The following BMPR1B variants were observed in gnomAD, a reference collection of about 807,000 sequenced individuals.
BMPR1B encodes the protein bone morphogenetic protein receptor type 1B.
BMPR1B carries 12 observed loss-of-function variants against 59.1 expected under a neutral mutation model. The ratio of observed to expected loss-of-function variants is 0.20; its 90% CI spans 0.13 to 0.33. The LOEUF is 0.33. Among genes scored for constraint, BMPR1B ranks in the 10% least tolerant of loss-of-function variants. The pLI is 1.00. For missense variants in BMPR1B, 550 were observed against 610.9 expected (o/e 0.90, Z 1.05); for synonymous variants, 237 against 207.3 (o/e 1.14, Z -1.23).
intron 2 of BMPR1B, among the ~76,000 whole-genome samples, chr4:94,924,188 A>G (rs1351418490): frequency 6.6e-6 from 1 of 152,140 alleles, no homozygotes; most frequent in Non-Finnish European, 1.5e-5. Flanking sequence ...ATAAAGTTGG[A>G]GCTTCAGAAT....
At chr4:95,122,325 G>T (rs1732590015) in intron 6 of BMPR1B, among the ~76,000 whole-genome samples, 1 of 147,072 alleles carries the variant, frequency 6.8e-6, no homozygotes, top group African/African-American at 2.6e-5. Context: ...CACAGAGGAA[G>T]ATCCTGTATC....
At chr4:94,801,108 T>C (rs1723390663) in intron 1 of BMPR1B, among the ~76,000 whole-genome samples, 1 of 152,206 alleles carries the variant, frequency 6.6e-6, no homozygotes, top group Non-Finnish European at 1.5e-5. Context: ...GAAAATTGTC[T>C]GCCTTCATAT....
chr4:95,026,098 A>ATTCATTTCTTTCTTTC, intron 3 of BMPR1B, among the ~76,000 whole-genome samples: 1 of 101,716 alleles, frequency 9.8e-6, no homozygotes, highest in South Asian at 3.8e-4. Context: ...GCTTTCTTTC[A>ATTCATTTCTTTCTTTC]TTTCTTTCTT....
chr4:94,850,276 G>GAA (rs35845073), intron 1 of BMPR1B, among the ~76,000 whole-genome samples: 4 of 149,252 alleles, frequency 2.7e-5, no homozygotes, highest in African/African-American at 9.8e-5. Flanking sequence ...ATTTTTAAAT[G>GAA]AAAAAAAAAA....
At chr4:94,775,894 G>T (rs1014162035) in intron 1 of BMPR1B, among the ~76,000 whole-genome samples, 3 of 152,060 alleles carry the variant, frequency 2.0e-5, no homozygotes, top group Non-Finnish European at 4.4e-5. Flanking sequence ...GATCGAGAGC[G>T]TCCTGGCTAA....
chr4:94,920,144 T>A (rs1728634425), intron 2 of BMPR1B, among the ~76,000 whole-genome samples: 1 of 152,166 alleles, frequency 6.6e-6, no homozygotes, highest in Non-Finnish European at 1.5e-5. Flanking sequence ...AGAAAAGGGA[T>A]GTTAATTGTA....
intron 10 of BMPR1B, among the ~76,000 whole-genome samples, chr4:95,142,744 A>G (rs891013855): frequency 3.3e-5 from 5 of 150,890 alleles, no homozygotes; most frequent in African/African-American, 1.2e-4. Flanking sequence ...TAGGACTTTC[A>G]TGAGACTCTT....
intron 10 of BMPR1B, among the ~76,000 whole-genome samples, chr4:95,135,193 A>T (rs1364701355): frequency 1.3e-5 from 2 of 152,026 alleles, no homozygotes; most frequent in Non-Finnish European, 2.9e-5. Flanking sequence ...ATTATTTCTG[A>T]GGCCTCTGTT....
intron 3 of BMPR1B, among the ~76,000 whole-genome samples, chr4:95,032,882 A>G (rs1031544073): frequency 6.6e-6 from 1 of 152,082 alleles, no homozygotes; most frequent in South Asian, 2.1e-4. Flanking sequence ...TTCAAGTCTT[A>G]ATTTTTGAGA....
intron 3 of BMPR1B, among the ~76,000 whole-genome samples, chr4:95,091,788 A>C (rs1364956583): frequency 6.6e-6 from 1 of 152,122 alleles, no homozygotes; most frequent in African/African-American, 2.4e-5. Flanking sequence ...AAGGGGATCA[A>C]AAATTTTGTC....
At chr4:94,883,971 A>G (rs1727076534) in intron 2 of BMPR1B, among the ~76,000 whole-genome samples, 1 of 152,082 alleles carries the variant, frequency 6.6e-6, no homozygotes, top group Non-Finnish European at 1.5e-5. Context: ...ACTTTTAGTC[A>G]TTTTTACTGT....
In BMPR1B at chr4:94,784,588, C is replaced by T. The variant is rs561725907; in HGVS notation, c.-183+26520C>T. On this transcript the variant is annotated intron_variant, in intron 1 of 12. Transcript: ENST00000515059. Reference sequence around the variant, plus strand: ...GCACAGACTAGTCTTATACTCCTGGCCTCAAGTGATCTTCCTGCCTTGGCC... The same window carrying T: ...GCACAGACTAGTCTTATACTCCTGGTCTCAAGTGATCTTCCTGCCTTGGCC... Among the ~76,000 whole-genome samples the T allele has an allele frequency of 4.6e-5, 7 of 152,088 alleles. No homozygotes were observed. The East Asian group carries it at 1.4e-3, about 29-fold the overall frequency.
In BMPR1B at chr4:95,026,140, T is replaced by TTCTTTCTTTCTTTCTTTCTTTC. The variant is rs1560603061; in HGVS notation, c.-18+30012_-18+30033dup. Among the ~76,000 whole-genome samples, 11 of 149,456 alleles carry TTCTTTCTTTCTTTCTTTCTTTC rather than the reference T, an allele frequency of 7.4e-5. No homozygotes were observed. The South Asian group carries it at 8.5e-4, about 12-fold the overall frequency. Reference sequence around the variant, plus strand: ...TTTCTTTCTTTCTTTCTTTCTTTCTTTCTTTCTTTCTTTCTTTCTTTCTCT... The same window carrying TTCTTTCTTTCTTTCTTTCTTTC: ...TTTCTTTCTTTCTTTCTTTCTTTCTTTCTTTCTTTCTTTCTTTCTTTCTCTTTCTTTCTTTCTTTCTTTCTCT... On this transcript the variant is annotated intron_variant, in intron 3 of 12. Transcript: ENST00000515059.
At chr4:94,872,058 A>G (rs1483013593) in intron 1 of BMPR1B, among the ~76,000 whole-genome samples, 1 of 152,210 alleles carries the variant, frequency 6.6e-6, no homozygotes, top group Admixed American at 6.5e-5. Flanking sequence ...TGCTATCTTT[A>G]TAATCATTTT....
At chr4:94,763,894 C>T (rs973611545) in intron 1 of BMPR1B, among the ~76,000 whole-genome samples, 8 of 152,162 alleles carry the variant, frequency 5.3e-5, no homozygotes, top group Non-Finnish European at 1.2e-4. Context: ...TTCCAATACA[C>T]ATTTAGCCAT....
chr4:94,914,606 A>G (rs1728412121), intron 2 of BMPR1B, among the ~76,000 whole-genome samples: 2 of 152,128 alleles, frequency 1.3e-5, no homozygotes, highest in Non-Finnish European at 2.9e-5. Flanking sequence ...TTAAGGTTCT[A>G]ATGAAGTCAA....
At chr4:94,884,295 A>G (rs1727088536) in intron 2 of BMPR1B, among the ~76,000 whole-genome samples, 1 of 152,040 alleles carries the variant, frequency 6.6e-6, no homozygotes, top group South Asian at 2.1e-4. Flanking sequence ...GGAGGCTGAG[A>G]TGAGTGGATC....
chr4:95,001,040 T>G (rs1447417905), intron 3 of BMPR1B, among the ~76,000 whole-genome samples: 1 of 152,158 alleles, frequency 6.6e-6, no homozygotes, highest in Admixed American at 6.6e-5. Context: ...AACATCAGCT[T>G]TTCAAGTAGC....
At chr4:95,122,286 A>G (rs188747860) in intron 6 of BMPR1B, among the ~76,000 whole-genome samples, 1 of 152,058 alleles carries the variant, frequency 6.6e-6, no homozygotes, top group African/African-American at 2.4e-5. Context: ...CAGTAAGCTG[A>G]GATTGTGCCA....
Sources: gnomAD v4.1 joint callset for allele counts (sites outside exome capture counted in the v4.1 genomes callset) on GRCh38, gnomAD v4.1.1 for gene constraint, MANE v1.5 for transcripts, NCBI Gene and HGNC (gene_info 2026-07-23, HGNC 2026-07-21) for gene names.